MAP3K20: variants seen among roughly 807,000 people sequenced by gnomAD.
MAP3K20 encodes the protein HCCS-4.
MAP3K20 carries 40 observed loss-of-function variants against 85.7 expected under a neutral mutation model. That is an observed-to-expected ratio of 0.47 (90% CI 0.36 to 0.61). MAP3K20 has a LOEUF of 0.61. Among genes scored for constraint, MAP3K20 ranks in the 20% least tolerant of loss-of-function variants. MAP3K20 has a pLI of 0.00. For synonymous variants in MAP3K20, 325 were observed against 327.7 expected, an observed-to-expected ratio of 0.99 and a Z score of 0.09; for missense variants, 817 against 961.7, an observed-to-expected ratio of 0.85 and a Z score of 1.99.
chr2:173,260,602 G>A (rs1281188403), intron 17 of MAP3K20, among the ~76,000 whole-genome samples: 1 of 152,196 alleles, frequency 6.6e-6, no homozygotes, highest in Non-Finnish European at 1.5e-5. Context: ...ATGTGTATGT[G>A]CAGCTTTGCT....
At chr2:173,196,974 TTA>T (rs1297662668) in intron 7 of MAP3K20, among the ~76,000 whole-genome samples, 1 of 152,116 alleles carries the variant, frequency 6.6e-6, no homozygotes, top group Non-Finnish European at 1.5e-5. Flanking sequence ...TTTTAACTTT[TTA>T]AATAGTTACC....
At chr2:173,089,927 CAAAA>C (rs1007704514) in intron 1 of MAP3K20, among the ~76,000 whole-genome samples, 1 of 151,110 alleles carries the variant, frequency 6.6e-6, no homozygotes, top group South Asian at 2.1e-4. Flanking sequence ...AAAAAACAAA[CAAAA>C]AAAAACTTTC....
intron 16 of MAP3K20, among the ~76,000 whole-genome samples, chr2:173,241,877 TCTATTCA>T (rs1684790928): frequency 6.6e-6 from 1 of 152,230 alleles, no homozygotes; most frequent in South Asian, 2.1e-4. Context: ...TGGATCACTG[TCTATTCA>T]TTCCTGTTGT....
chr2:173,116,394 T>G (rs981097444), intron 2 of MAP3K20, among the ~76,000 whole-genome samples: 2 of 152,200 alleles, frequency 1.3e-5, no homozygotes, highest in Admixed American at 6.5e-5. Context: ...AACCAAAATC[T>G]CATGTCCTTT....
intron 11 of MAP3K20, chr2:173,221,048 T>TAC: frequency 1.1e-6 from 1 of 908,556 alleles, no homozygotes; most frequent in Non-Finnish European, 1.5e-6. Context: ...ACTAATCATT[T>TAC]ACCTCCTGTG....
intron 11 of MAP3K20, chr2:173,222,219 A>AG: frequency 3.0e-6 from 3 of 985,550 alleles, no homozygotes; most frequent in Non-Finnish European, 2.4e-6. Context: ...AAACAAAAAA[A>AG]AGAAAGAATT....
At position 173,186,116 on chromosome 2, in the gene MAP3K20, A is replaced by G. The variant is rs542947255; in HGVS notation, c.350-1442A>G. 3.3e-5 allele frequency among the ~76,000 whole-genome samples: 5 copies of G among 152,294 alleles called. No individual in the cohort carries two copies. The South Asian group carries it at 1.0e-3, about 32-fold the overall frequency. ...TAATACTTTATGGTACTTTTTTCTT[A>G]TAATCTTCCATGAGGAAGGAAAGTG... is the stretch of plus-strand genomic sequence containing the variant. On this transcript the variant is annotated intron_variant, in intron 4 of 19. Coordinates refer to ENST00000375213, the MANE Select transcript of MAP3K20 (RefSeq NM_016653.3).
chr2:173,126,775 C>T (rs1482873006), intron 2 of MAP3K20, among the ~76,000 whole-genome samples: 4 of 152,200 alleles, frequency 2.6e-5, no homozygotes, highest in Non-Finnish European at 5.9e-5. Context: ...GCAGAATGCT[C>T]TTACAGACTA....
chr2:173,176,058 TTAA>T (rs1690143426), intron 3 of MAP3K20, among the ~76,000 whole-genome samples: 1 of 152,192 alleles, frequency 6.6e-6, no homozygotes, highest in African/African-American at 2.4e-5. Flanking sequence ...TAGTGTTTAA[TTAA>T]TGATGTTTAT....
At chr2:173,186,185 CCTTA>C in intron 4 of MAP3K20, among the ~76,000 whole-genome samples, 1 of 152,134 alleles carries the variant, frequency 6.6e-6, no homozygotes, top group African/African-American at 2.4e-5. Context: ...TTTTTGAAAT[CCTTA>C]CTTGTCAGCA....
intron 2 of MAP3K20, among the ~76,000 whole-genome samples, chr2:173,141,478 G>T (rs895934016): frequency 3.9e-5 from 6 of 152,074 alleles, no homozygotes; most frequent in South Asian, 2.1e-4. Flanking sequence ...GAAGGCAAAA[G>T]AAAAGGTCAG....
intron 2 of MAP3K20, among the ~76,000 whole-genome samples, chr2:173,109,104 C>G (rs1687870130): frequency 6.6e-6 from 1 of 152,068 alleles, no homozygotes; most frequent in African/African-American, 2.4e-5. Flanking sequence ...TTTTCTTTCT[C>G]CGAATTTATT....
intron 2 of MAP3K20, among the ~76,000 whole-genome samples, chr2:173,162,058 T>A (rs1348484062): frequency 3.3e-5 from 5 of 152,230 alleles, no homozygotes; most frequent in Non-Finnish European, 7.3e-5. Flanking sequence ...ATAGACTTAT[T>A]GTAAAGAATT....
intron 10 of MAP3K20, chr2:173,212,482 A>T (rs1165476777): frequency 1.3e-5 from 2 of 152,170 alleles, no homozygotes; most frequent in African/African-American, 4.8e-5. Context: ...AGATTTTAAT[A>T]CCAAGATAGG....
chr2:173,154,883 A>G, intron 2 of MAP3K20, among the ~76,000 whole-genome samples: 1 of 152,332 alleles, frequency 6.6e-6, no homozygotes, highest in Middle Eastern at 3.4e-3. Flanking sequence ...TAGAAATCCA[A>G]CCAAATATAA....
chr2:173,193,871 G>A (rs1467354129), intron 7 of MAP3K20, among the ~76,000 whole-genome samples: 1 of 152,102 alleles, frequency 6.6e-6, no homozygotes, highest in Non-Finnish European at 1.5e-5. Context: ...TGGTTTTGGA[G>A]GGATTTAACA....
intron 10 of MAP3K20, 35 bp downstream of exon 10, chr2:173,209,870 C>T: frequency 6.5e-7 from 1 of 1,546,018 alleles, no homozygotes; most frequent in Non-Finnish European, 8.9e-7. Context: ...CAGCGTCTGG[C>T]TTTCAAAGAC....
At chr2:173,080,781 C>T (rs372613195) in intron 1 of MAP3K20, among the ~76,000 whole-genome samples, 9 of 152,314 alleles carry the variant, frequency 5.9e-5, no homozygotes, top group East Asian at 5.8e-4. Context: ...TTCATAACTA[C>T]TCTCCTGCTT....
At chr2:173,085,349 T>G (rs1687117226) in intron 1 of MAP3K20, among the ~76,000 whole-genome samples, 1 of 152,210 alleles carries the variant, frequency 6.6e-6, no homozygotes, top group Non-Finnish European at 1.5e-5. Flanking sequence ...TTAAGTCTAT[T>G]TTTTTGGACT....
Sources: gnomAD v4.1 joint callset for allele counts (sites outside exome capture counted in the v4.1 genomes callset) on GRCh38, gnomAD v4.1.1 for gene constraint, MANE v1.5 for transcripts, NCBI Gene and HGNC (gene_info 2026-07-23, HGNC 2026-07-21) for gene names.